The following ADGRB3 variants were observed in gnomAD, a reference collection of about 807,000 sequenced individuals.
ADGRB3 encodes brain-specific angiogenesis inhibitor 3.
ADGRB3 carries 37 observed loss-of-function variants against 193.4 expected under a neutral mutation model. That is an observed-to-expected ratio of 0.19 (90% CI 0.15 to 0.25). ADGRB3 has a LOEUF of 0.25. ADGRB3 is among the 10% of genes least tolerant of loss of function. The pLI is 1.00. For missense variants in ADGRB3, 1,637 were observed against 1,852.9 expected, an observed-to-expected ratio of 0.88 and a Z score of 2.14; for synonymous variants, 690 against 644.2, an observed-to-expected ratio of 1.07 and a Z score of -1.08.
At chr6:69,128,738 TTCA>T in intron 17 of ADGRB3, among the ~76,000 whole-genome samples, 1 of 152,192 alleles carries the variant, frequency 6.6e-6, no homozygotes, top group East Asian at 1.9e-4. Flanking sequence ...ACTGACTATT[TTCA>T]GACCATCTTC....
intron 3 of ADGRB3, among the ~76,000 whole-genome samples, chr6:68,779,230 A>ATGTGTG (rs4038665): frequency 0.019 from 2,759 of 144,558 alleles, 34 homozygotes; most frequent in Non-Finnish European, 0.022. Flanking sequence ...TGTATATATT[A>ATGTGTG]TGTGTGTGTG....
intron 3 of ADGRB3, among the ~76,000 whole-genome samples, chr6:68,825,990 A>AT (rs111470081): frequency 0.059 from 8,581 of 145,280 alleles, 569 homozygotes; most frequent in African/African-American, 0.17. Context: ...TTTCCTCCCC[A>AT]TTTTTTTTTT....
At chr6:68,693,499 CAAGTTGAAAGCA>C (rs567448232) in intron 3 of ADGRB3, among the ~76,000 whole-genome samples, 7 of 152,040 alleles carry the variant, frequency 4.6e-5, no homozygotes, top group Non-Finnish European at 8.8e-5. Context: ...TAAGGAAACT[CAAGTTGAAAGCA>C]AAGTGTCCTC....
intron 3 of ADGRB3, among the ~76,000 whole-genome samples, chr6:68,663,374 A>G (rs1454036538): frequency 1.3e-5 from 2 of 151,642 alleles, no homozygotes; most frequent in African/African-American, 4.8e-5. Context: ...AATCATATAA[A>G]ATACAAAATT....
intron 26 of ADGRB3, among the ~76,000 whole-genome samples, chr6:69,344,943 A>G (rs1170339354): frequency 2.0e-5 from 3 of 151,916 alleles, no homozygotes; most frequent in African/African-American, 7.3e-5. Context: ...CTCTGGGACC[A>G]TATGAAGCAC....
At chr6:68,889,307 C>T (rs752567991) in intron 3 of ADGRB3, among the ~76,000 whole-genome samples, 3 of 152,048 alleles carry the variant, frequency 2.0e-5, no homozygotes, top group Non-Finnish European at 2.9e-5. Context: ...AACAAGGTAG[C>T]ATCTTAGAAC....
chr6:69,122,475 AGGGGGAG>A (rs1165450255), intron 17 of ADGRB3, among the ~76,000 whole-genome samples: 6 of 15,628 alleles, frequency 3.8e-4, no homozygotes, highest in Non-Finnish European at 7.1e-4. Flanking sequence ...GGAGAGGGGG[AGGGGGAG>A]GGGGGAGGGG....
chr6:69,326,915 T>C (rs1768586859), intron 21 of ADGRB3, among the ~76,000 whole-genome samples: 1 of 152,138 alleles, frequency 6.6e-6, no homozygotes, highest in South Asian at 2.1e-4. Context: ...CAGTGTTTGT[T>C]TAACACTATG....
At chr6:69,153,227 A>G (rs1312777670) in intron 17 of ADGRB3, among the ~76,000 whole-genome samples, 1 of 152,154 alleles carries the variant, frequency 6.6e-6, no homozygotes, top group Non-Finnish European at 1.5e-5. Flanking sequence ...CCCATGGCAG[A>G]AAAAAAGAGA....
chr6:69,346,419 G>A (rs889898744), intron 26 of ADGRB3, among the ~76,000 whole-genome samples: 4 of 151,568 alleles, frequency 2.6e-5, no homozygotes, highest in Non-Finnish European at 4.4e-5. Context: ...AACTGAGGCC[G>A]ACCTATGGAA....
chr6:68,698,100 T>C (rs74448000), intron 3 of ADGRB3, among the ~76,000 whole-genome samples: 5,341 of 151,816 alleles, frequency 0.035, 300 homozygotes, highest in African/African-American at 0.12. Flanking sequence ...CATAAACATA[T>C]GGTATTGTAA....
intron 20 of ADGRB3, among the ~76,000 whole-genome samples, chr6:69,276,967 C>T (rs1464211766): frequency 6.6e-6 from 1 of 151,050 alleles, no homozygotes; most frequent in Non-Finnish European, 1.5e-5. Flanking sequence ...AAAAAGAACA[C>T]AAAACCATTA....
At chr6:69,383,691 A>G (rs1442201951) in intron 31 of ADGRB3, among the ~76,000 whole-genome samples, 2 of 152,014 alleles carry the variant, frequency 1.3e-5, no homozygotes, top group African/African-American at 4.8e-5. Context: ...TAAATGGAGC[A>G]TAGAAAATAG....
chr6:68,850,270 T>G (rs1487548323), intron 3 of ADGRB3, among the ~76,000 whole-genome samples: 1 of 151,990 alleles, frequency 6.6e-6, no homozygotes. Flanking sequence ...CTTTTTTACT[T>G]TTTTACTCAA....
chr6:69,017,453 CT>C (rs911891107), intron 12 of ADGRB3, among the ~76,000 whole-genome samples: 1 of 151,896 alleles, frequency 6.6e-6, no homozygotes, highest in Non-Finnish European at 1.5e-5. Context: ...TGCAGGATGA[CT>C]TTATAAGCTT....
intron 20 of ADGRB3, among the ~76,000 whole-genome samples, chr6:69,281,663 A>G (rs1767439226): frequency 6.6e-6 from 1 of 152,222 alleles, no homozygotes; most frequent in African/African-American, 2.4e-5. Flanking sequence ...GCTCTGGATT[A>G]GAGCACAGTC....
At chr6:68,789,293 C>T (rs1172454881) in intron 3 of ADGRB3, among the ~76,000 whole-genome samples, 1 of 152,110 alleles carries the variant, frequency 6.6e-6, no homozygotes, top group Non-Finnish European at 1.5e-5. Flanking sequence ...TGGCTGGTAC[C>T]AGTTGATCCT....
At chr6:69,372,132 G>A (rs1562002321) in intron 29 of ADGRB3, among the ~76,000 whole-genome samples, 1 of 151,940 alleles carries the variant, frequency 6.6e-6, no homozygotes, top group African/African-American at 2.4e-5. Flanking sequence ...CTAAAAATTA[G>A]GGTTAAGAGG....
At chr6:69,234,643 C>A (rs1396141047) in intron 18 of ADGRB3, among the ~76,000 whole-genome samples, 4 of 151,974 alleles carry the variant, frequency 2.6e-5, no homozygotes, top group African/African-American at 9.7e-5. Flanking sequence ...TACCAAGAAT[C>A]ATATTGTGAA....
Sources: gnomAD v4.1 joint callset for allele counts (sites outside exome capture counted in the v4.1 genomes callset) on GRCh38, gnomAD v4.1.1 for gene constraint, MANE v1.5 for transcripts, NCBI Gene and HGNC (gene_info 2026-07-23, HGNC 2026-07-21) for gene names.